The following POMGNT1 variants were observed in gnomAD, a reference collection of about 807,000 sequenced individuals.
POMGNT1 encodes protein O-linked-mannose beta-1,2-N-acetylglucosaminyltransferase 1.
In POMGNT1, 67 loss-of-function variants were observed where a neutral mutation model predicts 95.6. That is an observed-to-expected ratio of 0.70 (90% CI 0.58 to 0.86). The LOEUF is 0.86. Among genes scored for constraint, POMGNT1 ranks in the 40% least tolerant of loss-of-function variants. POMGNT1 has a pLI of 0.00. For missense variants in POMGNT1, 719 were observed against 855.2 expected (o/e 0.84, Z 1.99); for synonymous variants, 298 against 317.9 (o/e 0.94, Z 0.66).
chr1:46,192,568 G>A lies in POMGNT1; in HGVS notation c.1234C>T (p.Leu412=), dbSNP rs750278547. ...TACAGGCTGTCATCCTCCTCCAGTA[G>A]GTGGATGGATTGGCTCAGGAAACTG... The part of the protein sequence containing the change: ...FFSFLSQSIH[L]LEEDDSLYCI... Residue 412 remains leucine, a synonymous_variant, in exon 15 of 22, where the codon CTA becomes TTA. Coordinates refer to ENST00000371984, the MANE Select transcript of POMGNT1 (RefSeq NM_017739.4). 2 of 1,614,128 alleles carry A rather than the reference G, an allele frequency of 1.2e-6. No individual in the cohort carries two copies. The highest frequency in any genetic ancestry group is 2.2e-5 in the South Asian group (2 of 91,070).
At chr1:46,211,186 C>T (rs1369531561) in intron 1 of POMGNT1, among the ~76,000 whole-genome samples, 2 of 152,102 alleles carry the variant, frequency 1.3e-5, no homozygotes, top group Non-Finnish European at 2.9e-5. Flanking sequence ...CCAGCAAAGC[C>T]TGTCTGTTTA....
intron 1 of POMGNT1, among the ~76,000 whole-genome samples, chr1:46,210,462 G>A (rs1267517817): frequency 6.6e-6 from 1 of 152,132 alleles, no homozygotes; most frequent in Non-Finnish European, 1.5e-5. Context: ...CACAGGTTGA[G>A]GGCTCAGTCC....
chr1:46,212,282 T>A (rs1012419000), intron 1 of POMGNT1, among the ~76,000 whole-genome samples: 2 of 140,282 alleles, frequency 1.4e-5, no homozygotes, highest in Non-Finnish European at 3.1e-5. Context: ...ACCATGTAAA[T>A]TTTTTTTTTT....
intron 1 of POMGNT1, among the ~76,000 whole-genome samples, chr1:46,217,059 C>G (rs957212665): frequency 6.6e-6 from 1 of 151,988 alleles, no homozygotes; most frequent in African/African-American, 2.4e-5. Context: ...CAGGATGCTA[C>G]TAGAGGGAAA....
Position 46,192,671 on chromosome 1 carries a change from G to A in POMGNT1, c.1212-81C>T, listed in dbSNP as rs2292485. ...CAGAGATGCTAGAATTGCTGGAGCT[G>A]GGTCTCAGGAGCACCTCCTTCCTGG... is the stretch of plus-strand genomic sequence containing the variant. On this transcript the variant is annotated intron_variant, in intron 14 of 21. Transcript: ENST00000371984. 0.35 allele frequency: 566,094 copies of A among 1,600,240 alleles called. 101,937 individuals carry two copies. Among genetic ancestry groups the A allele is most frequent in the South Asian group, 0.45 (40,349 of 89,896 alleles).
chr1:46,189,880 A>G lies in POMGNT1; in HGVS notation c.1759T>C (p.Phe587Leu), dbSNP rs768656233. 2 of 1,613,940 alleles carry G rather than the reference A, an allele frequency of 1.2e-6. No homozygotes were observed. The highest frequency in any genetic ancestry group is 2.2e-5 in the South Asian group (2 of 90,954). ...TTGGCAAGCTGGGTCCAGGTGGTGA[A>G]GTCATCATCTTTCTCCATTCGAATA... ...AFIRMEKDDDFTTWTQLAKCL... is the reference protein window; with the variant it reads ...AFIRMEKDDDLTTWTQLAKCL... Residue 587 changes from phenylalanine to leucine, a missense_variant, in exon 20 of 22, where the codon TTC becomes CTC. By Grantham distance (22) the Phe-to-Leu change is conservative. This residue lies in a region of POMGNT1 where 130 missense variants were observed against 149.2 expected (regional missense o/e 0.87). Transcript: ENST00000371984.
upstream of POMGNT1, among the ~76,000 whole-genome samples, chr1:46,198,812 G>A (rs1658443474): frequency 6.6e-6 from 1 of 152,358 alleles, no homozygotes. Flanking sequence ...CCGTTACCTA[G>A]TCCTGGGGCA....
chr1:46,192,883 CTA>C lies in POMGNT1; in HGVS notation c.1211+15_1211+16del. On this transcript the variant is annotated intron_variant, in intron 14 of 21. Coordinates refer to ENST00000371984, the MANE Select transcript of POMGNT1 (RefSeq NM_017739.4). ...CAGACTGAGGGACCTCAACTGAAAC[CTA>C]GAGACTCCCCTCACCTGAAAAAATC... is the stretch of plus-strand genomic sequence containing the variant. The C allele has an allele frequency of 6.2e-7, 1 of 1,614,096 alleles. No homozygotes were observed. Among genetic ancestry groups the C allele is most frequent in the Non-Finnish European group, 8.5e-7 (1 of 1,179,996 alleles).
intron 1 of POMGNT1, among the ~76,000 whole-genome samples, chr1:46,217,159 A>T (rs2148252869): frequency 6.6e-6 from 1 of 152,318 alleles, no homozygotes; most frequent in East Asian, 1.9e-4. Flanking sequence ...AGGCAAAGGA[A>T]TTACCAAGAT....
exon 1 of POMGNT1, chr1:46,219,980 C>A (rs776903686): frequency 1.5e-5 from 24 of 1,614,108 alleles, no homozygotes; most frequent in Non-Finnish European, 1.6e-5. Context: ...ATGAACAGGG[C>A]CCACCTGGGG....
intron 1 of POMGNT1, among the ~76,000 whole-genome samples, chr1:46,213,859 G>GAA (rs111362838): frequency 7.1e-6 from 1 of 140,884 alleles, no homozygotes; most frequent in African/African-American, 2.6e-5. Context: ...ATTAACTCAA[G>GAA]AAAAAAAAAA....
upstream of POMGNT1, among the ~76,000 whole-genome samples, chr1:46,199,672 G>T (rs2148228599): frequency 6.6e-6 from 1 of 152,298 alleles, no homozygotes; most frequent in East Asian, 1.9e-4. Context: ...TTTTTGTGGA[G>T]AATGGGTTGG....
In POMGNT1 at chr1:46,197,017, C is replaced by A; in HGVS notation, c.188G>T (p.Arg63Leu). ...VNIKLILDTRRAISEANEDPE... is the reference protein window; with the variant it reads ...VNIKLILDTRLAISEANEDPE... The stretch of plus-strand genomic sequence containing the variant: ...GTCTTCATTGGCTTCACTGATGGCT[C>A]GCCGAGTGTCCAGGATCAACTTGAT... Residue 63 changes from arginine (R) to leucine (L), a missense_variant, in exon 3 of 22, where the codon CGA becomes CTA. This residue lies in a region of POMGNT1 where 466 missense variants were observed against 517.4 expected (regional missense o/e 0.90). Transcript: ENST00000371984. 1 of 1,614,170 alleles carries A rather than the reference C, an allele frequency of 6.2e-7. No homozygotes were observed. The highest frequency in any genetic ancestry group is 1.1e-5 in the South Asian group (1 of 91,084).
chr1:46,204,690 G>A (rs1331901352), intron 1 of POMGNT1, among the ~76,000 whole-genome samples: 1 of 152,188 alleles, frequency 6.6e-6, no homozygotes, highest in East Asian at 1.9e-4. Flanking sequence ...CTGGGAGAAG[G>A]ACTTGAATGC....
At chr1:46,203,446 C>A in intron 1 of POMGNT1, 1 of 1,488,400 alleles carries the variant, frequency 6.7e-7, no homozygotes, top group Non-Finnish European at 8.9e-7. Flanking sequence ...ACCGTGGAGT[C>A]CCAGACGCCT....
chr1:46,214,351 GA>G (rs57471712), intron 1 of POMGNT1, among the ~76,000 whole-genome samples: 51 of 127,408 alleles, frequency 4.0e-4, no homozygotes, highest in Middle Eastern at 4.2e-3. Flanking sequence ...GTCTCAAAAA[GA>G]AAAAAAAAAA....
intron 2 of POMGNT1, 39 bp from the exon 3 acceptor site, chr1:46,197,123 C>T (rs772854737): frequency 6.2e-7 from 1 of 1,613,748 alleles, no homozygotes; most frequent in Non-Finnish European, 8.5e-7. Flanking sequence ...GGAGCACCTC[C>T]TTCAGATCCT....
At position 46,191,808 on chromosome 1, in the gene POMGNT1, G is replaced by T. The variant is rs1657789129; in HGVS notation, c.1539+290C>A. The stretch of plus-strand genomic sequence containing the variant: ...CATCACCAGGCCCGGCTAATTTTTT[G>T]TATTTTTAGTAGAGATGGGGTTTCA... On this transcript the variant is annotated intron_variant, in intron 17 of 21. Coordinates refer to ENST00000371984, the MANE Select transcript of POMGNT1 (RefSeq NM_017739.4). 7 of 371,512 alleles carry T rather than the reference G, an allele frequency of 1.9e-5. 1 individual carries two copies. The highest frequency in any genetic ancestry group is 1.5e-4 in the South Asian group (7 of 46,888). 23.0% of individuals were successfully genotyped at this position (371,512 alleles called of 1,614,324 possible).
Position 46,192,977 on chromosome 1 carries a change from A to C in POMGNT1, c.1153-19T>G, listed in dbSNP as rs776937575. On this transcript the variant is annotated intron_variant, in intron 13 of 21. Coordinates refer to ENST00000371984, the MANE Select transcript of POMGNT1 (RefSeq NM_017739.4). Reference sequence around the variant, plus strand: ...TGGCCTCCTAGAAGGGGAATGGGACATCATGGTCCCAAAGGGGTCTCTCCA... The same window carrying C: ...TGGCCTCCTAGAAGGGGAATGGGACCTCATGGTCCCAAAGGGGTCTCTCCA... 1 of 1,613,698 alleles carries C rather than the reference A, an allele frequency of 6.2e-7. No homozygotes were observed. The highest frequency in any genetic ancestry group is 1.1e-5 in the South Asian group (1 of 91,070).
Sources: gnomAD v4.1 joint callset for allele counts (sites outside exome capture counted in the v4.1 genomes callset) on GRCh38, gnomAD v4.1.1 for gene constraint, gnomAD v4.1.1 regional missense constraint, MANE v1.5 for transcripts, NCBI Gene and HGNC (gene_info 2026-07-23, HGNC 2026-07-21) for gene names.